Variants in NDUFA10 observed in about 807,000 individuals in gnomAD.
NDUFA10 encodes the protein NADH:ubiquinone oxidoreductase subunit A10.
In NDUFA10, 40 loss-of-function variants were observed where a neutral mutation model predicts 47.8. The ratio of observed to expected loss-of-function variants is 0.84; its 90% CI spans 0.65 to 1.09. The LOEUF (loss-of-function observed/expected upper bound fraction) is 1.09, where lower values mean the gene tolerates loss of function less well. NDUFA10 is among the 50% of genes least tolerant of loss of function. The pLI, the probability that NDUFA10 is intolerant of heterozygous loss-of-function variation, is 0.00. For missense variants in NDUFA10, 413 were observed against 451.1 expected (o/e 0.92, Z 0.76); for synonymous variants, 183 against 172.2 (o/e 1.06, Z -0.49).
chr2:240,020,923 A>C (rs1697594054), intron 3 of NDUFA10, among the ~76,000 whole-genome samples: 1 of 152,206 alleles, frequency 6.6e-6, no homozygotes, highest in Non-Finnish European at 1.5e-5. Context: ...TTTCATATAT[A>C]AATGAATATG....
intron 5 of NDUFA10, 66 bp from the exon 6 acceptor site, chr2:240,011,762 T>A: frequency 7.2e-7 from 1 of 1,386,796 alleles, no homozygotes; most frequent in African/African-American, 1.4e-5. Context: ...CCTGTGCGTA[T>A]ATAAAATGCG....
chr2:239,953,554 C>G (rs1694598483), downstream of NDUFA10, among the ~76,000 whole-genome samples: 1 of 152,214 alleles, frequency 6.6e-6, no homozygotes, highest in African/African-American at 2.4e-5. Flanking sequence ...GGTTTCTCAC[C>G]CTGCAGGAGG....
Position 240,021,251 on chromosome 2 carries a change from A to T in NDUFA10, c.406T>A (p.Tyr136Asn). The change falls in exon 3 of 10, where the codon TAC (tyrosine) becomes AAC (asparagine). Residue 136 changes from tyrosine to asparagine, a missense_variant. Physicochemically the swap from Tyr to Asn is moderately radical, Grantham distance 143. Transcript: ENST00000252711. Reference protein sequence around the residue: ...GNSYRLQSWLYSSRLLQYSDA... With the variant: ...GNSYRLQSWLNSSRLLQYSDA... ...GAGTACTGCAGCAGGCGACTGCTGT[A>T]CAACCAGGACTGCAGGCGGTAACTG... The T allele has an allele frequency of 6.2e-7, 1 of 1,614,234 alleles. No homozygotes were observed. Among genetic ancestry groups the T allele is most frequent in the Non-Finnish European group, 8.5e-7 (1 of 1,180,044 alleles).
intron 4 of NDUFA10, among the ~76,000 whole-genome samples, chr2:239,932,712 TG>T (rs1001039624): frequency 6.6e-6 from 1 of 152,078 alleles, no homozygotes; most frequent in African/African-American, 2.4e-5. Context: ...CCCGAGTAGC[TG>T]GGACTACAGG....
At position 239,958,516 on chromosome 2, in the gene NDUFA10, G is replaced by A. The variant is rs58261980; in HGVS notation, c.*2602C>T. 17,225 of 152,222 alleles carry A rather than the reference G, an allele frequency of 0.11. 1,103 individuals carry two copies. Among genetic ancestry groups the A allele is most frequent in the East Asian group, 0.25 (1,269 of 5,156 alleles). The allele number at this position is 152,222 out of a possible 1,614,324, so 9.4% of individuals were successfully genotyped here. A position where few individuals can be genotyped will look rare whatever the true frequency, so the allele number is the denominator to read the frequency against. On this transcript the variant is annotated 3_prime_UTR_variant, in exon 10 of 10. Coordinates refer to ENST00000252711, the MANE Select transcript of NDUFA10 (RefSeq NM_004544.4). The stretch of plus-strand genomic sequence containing the variant: ...GTCCACCTGTGGCCTGGAGGCGGCC[G>A]CCTGTTTCCCTGCTGTTCTTGCCAC...
chr2:239,983,585 G>A (rs1346251954), intron 9 of NDUFA10: 1 of 1,595,606 alleles, frequency 6.3e-7, no homozygotes, highest in Non-Finnish European at 8.5e-7. Context: ...AGCTTCCAGT[G>A]GAGACCCAGC....
intron 6 of NDUFA10, among the ~76,000 whole-genome samples, chr2:240,010,466 A>T (rs1697097616): frequency 1.3e-5 from 2 of 152,218 alleles, no homozygotes; most frequent in Admixed American, 1.3e-4. Flanking sequence ...TGAAGCCAGA[A>T]GATCTCCAAG....
At chr2:239,898,893 G>A (rs558515219) in intron 4 of NDUFA10, among the ~76,000 whole-genome samples, 12 of 152,294 alleles carry the variant, frequency 7.9e-5, no homozygotes, top group African/African-American at 2.6e-4. Context: ...ATGTAAAGGG[G>A]TGTGAAGGAG....
chr2:239,982,700 C>G (rs948083096), intron 9 of NDUFA10, among the ~76,000 whole-genome samples: 1 of 152,192 alleles, frequency 6.6e-6, no homozygotes, highest in African/African-American at 2.4e-5. Context: ...TGAAGGCAAC[C>G]TGAAACACAA....
At chr2:239,977,813 G>A (rs1695590176) in intron 9 of NDUFA10, among the ~76,000 whole-genome samples, 1 of 152,202 alleles carries the variant, frequency 6.6e-6, no homozygotes. Flanking sequence ...CGTGGTCACT[G>A]GGCCTGGTCA....
chr2:239,985,374 TATAAGAA>T (rs1487571230), intron 9 of NDUFA10, among the ~76,000 whole-genome samples: 1 of 150,434 alleles, frequency 6.6e-6, no homozygotes, highest in Non-Finnish European at 1.5e-5. Flanking sequence ...AAAACTCAAA[TATAAGAA>T]ATACAGGTCT....
intron 4 of NDUFA10, among the ~76,000 whole-genome samples, chr2:239,950,361 G>A (rs937472583): frequency 4.6e-5 from 7 of 152,216 alleles, no homozygotes; most frequent in African/African-American, 1.4e-4. Flanking sequence ...CCAAGCAGGA[G>A]GCTCAGGGCT....
intron 4 of NDUFA10, among the ~76,000 whole-genome samples, chr2:239,944,225 G>GA (rs1221918560): frequency 1.3e-5 from 2 of 152,268 alleles, no homozygotes; most frequent in Admixed American, 6.5e-5. Flanking sequence ...GGCCATGCCA[G>GA]AAAGGACCTG....
intron 4 of NDUFA10, among the ~76,000 whole-genome samples, chr2:239,920,923 G>A (rs1693964832): frequency 6.6e-6 from 1 of 152,112 alleles, no homozygotes; most frequent in Non-Finnish European, 1.5e-5. Context: ...CTCCCCAGGT[G>A]GGCAGGTTTC....
At chr2:239,994,674 T>C (rs1696395476) in intron 8 of NDUFA10, among the ~76,000 whole-genome samples, 1 of 152,192 alleles carries the variant, frequency 6.6e-6, no homozygotes, top group Non-Finnish European at 1.5e-5. Flanking sequence ...AACCGGTCCC[T>C]GGTGCCAAAA....
chr2:239,900,001 G>A (rs1487230913), intron 4 of NDUFA10, among the ~76,000 whole-genome samples: 1 of 151,868 alleles, frequency 6.6e-6, no homozygotes, highest in Non-Finnish European at 1.5e-5. Flanking sequence ...TCCCAGAGAG[G>A]CTAGAATAAA....
At chr2:239,915,963 T>G (rs10933574) in intron 4 of NDUFA10, among the ~76,000 whole-genome samples, 1 of 93,640 alleles carries the variant, frequency 1.1e-5, no homozygotes, top group African/African-American at 4.1e-5. Flanking sequence ...CAGAGATACA[T>G]GGACATACAC....
At chr2:239,982,159 G>A in intron 9 of NDUFA10, 1 of 1,612,890 alleles carries the variant, frequency 6.2e-7, no homozygotes, top group South Asian at 1.1e-5. Context: ...AGACCAGTGA[G>A]AAGCACTTCA....
intron 4 of NDUFA10, among the ~76,000 whole-genome samples, chr2:239,918,135 A>T (rs1217360200): frequency 6.6e-6 from 1 of 152,080 alleles, no homozygotes; most frequent in Non-Finnish European, 1.5e-5. Context: ...CCCTCCTTGG[A>T]CCTGCTCTGG....
Sources: gnomAD v4.1 joint callset for allele counts (sites outside exome capture counted in the v4.1 genomes callset) on GRCh38, gnomAD v4.1.1 for gene constraint, MANE v1.5 for transcripts, NCBI Gene and HGNC (gene_info 2026-07-23, HGNC 2026-07-21) for gene names.